The following UNC5C variants were observed in gnomAD, a reference collection of about 807,000 sequenced individuals.
The protein encoded by UNC5C is netrin receptor UNC5C.
A neutral mutation model predicts 99.8 loss-of-function variants in UNC5C; 47 were observed. The ratio of observed to expected loss-of-function variants is 0.47; its 90% CI spans 0.37 to 0.60. The LOEUF is 0.60. Among genes scored for constraint, UNC5C ranks in the 20% least tolerant of loss-of-function variants. The pLI is 0.00. For synonymous variants in UNC5C, 487 were observed against 452.2 expected (o/e 1.08, Z -0.98); for missense variants, 1,062 against 1,165.9 (o/e 0.91, Z 1.30).
chr4:95,407,351 C>A (rs892166885), intron 1 of UNC5C, among the ~76,000 whole-genome samples: 1 of 151,778 alleles, frequency 6.6e-6, no homozygotes, highest in Non-Finnish European at 1.5e-5. Context: ...GTAAAACATA[C>A]AATGGGATGT....
intron 1 of UNC5C, among the ~76,000 whole-genome samples, chr4:95,433,255 A>G (rs1421376404): frequency 6.6e-6 from 1 of 152,170 alleles, no homozygotes; most frequent in African/African-American, 2.4e-5. Context: ...ATTTCTTTAA[A>G]GTGATGAGAT....
chr4:95,200,111 C>G (rs1020940607), intron 12 of UNC5C, among the ~76,000 whole-genome samples: 15 of 152,206 alleles, frequency 9.9e-5, no homozygotes, highest in African/African-American at 2.9e-4. Context: ...TGTTTCCACT[C>G]GTGCCCTCTA....
At chr4:95,215,077 A>G (rs1259816675) in intron 10 of UNC5C, among the ~76,000 whole-genome samples, 1 of 152,246 alleles carries the variant, frequency 6.6e-6, no homozygotes, top group Non-Finnish European at 1.5e-5. Context: ...GGGTCACACC[A>G]ATTATAAATG....
At chr4:95,292,309 A>G (rs934291903) in intron 3 of UNC5C, among the ~76,000 whole-genome samples, 7 of 148,010 alleles carry the variant, frequency 4.7e-5, no homozygotes, top group South Asian at 2.1e-4. Flanking sequence ...TTGCTCTGTC[A>G]CCCAGGCTGG....
At chr4:95,418,923 A>G (rs553156494) in intron 1 of UNC5C, among the ~76,000 whole-genome samples, 23 of 152,068 alleles carry the variant, frequency 1.5e-4, no homozygotes, top group Non-Finnish European at 2.4e-4. Context: ...TCCTGCCCCG[A>G]CTTCAGAATG....
At position 95,338,930 on chromosome 4, in the gene UNC5C, G is replaced by A. The variant is rs113857521; in HGVS notation, c.125-3299C>T. ...TGATTAAAAATTTATTAAGAATTCT[G>A]AGATTGTGACAGCAGAACATTAAAC... On this transcript the variant is annotated intron_variant, in intron 1 of 15. Transcript: ENST00000453304. Among the ~76,000 whole-genome samples, 212 of 152,146 alleles carry A rather than the reference G, an allele frequency of 1.4e-3. 1 individual carries two copies. The highest frequency in any genetic ancestry group is 4.8e-3 in the African/African-American group (201 of 41,550).
intron 1 of UNC5C, among the ~76,000 whole-genome samples, chr4:95,463,277 C>T (rs1747662825): frequency 6.6e-6 from 1 of 152,138 alleles, no homozygotes; most frequent in African/African-American, 2.4e-5. Context: ...ACATCCCTAA[C>T]AGGGAGAACA....
intron 10 of UNC5C, among the ~76,000 whole-genome samples, chr4:95,211,543 AC>A (rs1243499804): frequency 6.6e-6 from 1 of 152,212 alleles, no homozygotes; most frequent in Non-Finnish European, 1.5e-5. Context: ...TTTATGAGGA[AC>A]CAAAGGAAAA....
In UNC5C at chr4:95,163,054, A is replaced by G. The variant is rs1029367504; in HGVS notation, c.*6180T>C. 2.6e-5 allele frequency: 4 copies of G among 152,186 alleles called. No homozygotes were observed. Among genetic ancestry groups the G allele is most frequent in the African/African-American group, 9.7e-5 (4 of 41,438 alleles). The allele number at this position is 152,186 out of a possible 1,614,324, so 9.4% of individuals were successfully genotyped here. A position where few individuals can be genotyped will look rare whatever the true frequency, so the allele number is the denominator to read the frequency against. On this transcript the variant is annotated 3_prime_UTR_variant, in exon 16 of 16. Transcript: ENST00000453304. Reference sequence around the variant, plus strand: ...AACTCAACACATATAACACCATGACATCACACACACACAGTGATGTTCCCT... The same window carrying G: ...AACTCAACACATATAACACCATGACGTCACACACACACAGTGATGTTCCCT...
At chr4:95,309,515 C>T (rs1742198831) in intron 2 of UNC5C, among the ~76,000 whole-genome samples, 1 of 151,874 alleles carries the variant, frequency 6.6e-6, no homozygotes. Flanking sequence ...TGAGAGAAAA[C>T]ATTTGTAAAC....
intron 1 of UNC5C, among the ~76,000 whole-genome samples, chr4:95,388,504 T>C (rs1235570991): frequency 6.6e-6 from 1 of 152,156 alleles, no homozygotes; most frequent in African/African-American, 2.4e-5. Context: ...ATGAGGCCAC[T>C]GGTATGCCAC....
At chr4:95,400,417 G>T (rs1745656556) in intron 1 of UNC5C, among the ~76,000 whole-genome samples, 1 of 100,820 alleles carries the variant, frequency 9.9e-6, no homozygotes, top group African/African-American at 4.4e-5. Context: ...TTTTTGAGAC[G>T]GAGTCTCGTT....
At position 95,278,369 on chromosome 4, in the gene UNC5C, C is replaced by A; in HGVS notation, c.491-7G>T. On this transcript the variant is annotated splice_polypyrimidine_tract_variant and splice_region_variant and intron_variant, in intron 3 of 15. Transcript: ENST00000453304. ...TCAAATGTCTTCCGTAGATCTGGAA[C>A]GTAAAAGTGACAAAATACATGTCAA... is the stretch of plus-strand genomic sequence containing the variant. The A allele has an allele frequency of 6.2e-7, 1 of 1,608,592 alleles. No homozygotes were observed. The highest frequency in any genetic ancestry group is 8.5e-7 in the Non-Finnish European group (1 of 1,175,104).
chr4:95,229,797 CTTTTTTTTTTTTTTTTT>C (rs71583694), intron 7 of UNC5C, among the ~76,000 whole-genome samples: 5 of 79,534 alleles, frequency 6.3e-5, no homozygotes, highest in African/African-American at 3.1e-4. Context: ...CTGTTGTTTC[CTTTTTTTTTTTTTTTTT>C]TTTTTTTTTT....
chr4:95,543,927 A>C (rs1398795754), intron 1 of UNC5C, among the ~76,000 whole-genome samples: 11 of 152,132 alleles, frequency 7.2e-5, no homozygotes, highest in Admixed American at 7.2e-4. Context: ...ACAATGATCT[A>C]CTCCGCAGCA....
At chr4:95,336,913 A>C (rs1743370676) in intron 1 of UNC5C, among the ~76,000 whole-genome samples, 2 of 152,042 alleles carry the variant, frequency 1.3e-5, no homozygotes, top group South Asian at 4.1e-4. Flanking sequence ...CAAAATTGTC[A>C]GCTTACTAAA....
intron 1 of UNC5C, among the ~76,000 whole-genome samples, chr4:95,372,746 T>A (rs1280005609): frequency 6.6e-6 from 1 of 152,198 alleles, no homozygotes; most frequent in East Asian, 1.9e-4. Flanking sequence ...AATGTGTGGT[T>A]GGTGGTTTGT....
intron 1 of UNC5C, among the ~76,000 whole-genome samples, chr4:95,503,841 C>T (rs1721841348): frequency 6.6e-6 from 1 of 152,094 alleles, no homozygotes; most frequent in Admixed American, 6.6e-5. Context: ...CTTCCATCTG[C>T]TCCCCCACCA....
At chr4:95,212,665 A>G (rs375364440) in intron 10 of UNC5C, among the ~76,000 whole-genome samples, 15 of 152,002 alleles carry the variant, frequency 9.9e-5, no homozygotes, top group African/African-American at 3.4e-4. Flanking sequence ...CCACGTCCCT[A>G]GCAGGAATCC....
Sources: gnomAD v4.1 joint callset for allele counts (sites outside exome capture counted in the v4.1 genomes callset) on GRCh38, gnomAD v4.1.1 for gene constraint, MANE v1.5 for transcripts, NCBI Gene and HGNC (gene_info 2026-07-23, HGNC 2026-07-21) for gene names.